RHBDF2: variants seen among roughly 807,000 people sequenced by gnomAD.
RHBDF2 encodes the protein rhomboid 5 homolog 2, also known as inactive rhomboid protein 2.
RHBDF2 carries 38 observed loss-of-function variants against 95.2 expected under a neutral mutation model. The ratio of observed to expected loss-of-function variants is 0.40; its 90% CI spans 0.31 to 0.52. The LOEUF is 0.52. Ranked by LOEUF, RHBDF2 falls within the 20% of genes least tolerant of loss-of-function variation. RHBDF2 has a pLI of 0.56. For synonymous variants in RHBDF2, 442 were observed against 462.0 expected, an observed-to-expected ratio of 0.96 and a Z score of 0.55; for missense variants, 863 against 1,137.7, an observed-to-expected ratio of 0.76 and a Z score of 3.47.
intron 2 of RHBDF2, 87 bp from the exon 3 acceptor site, chr17:76,481,632 A>G: frequency 7.9e-7 from 1 of 1,267,530 alleles, no homozygotes; most frequent in Non-Finnish European, 1.1e-6. Flanking sequence ...AGCCCAGACC[A>G]AGAACCAACT....
intron 9 of RHBDF2, 155 bp downstream of exon 9, chr17:76,476,675 G>C (rs1257016545): frequency 8.7e-7 from 1 of 1,155,700 alleles, no homozygotes; most frequent in Non-Finnish European, 1.2e-6. Flanking sequence ...CACAACCCTT[G>C]GGACAGGGTG....
At chr17:76,478,216 C>G (rs2073834110) in intron 6 of RHBDF2, among the ~76,000 whole-genome samples, 1 of 152,172 alleles carries the variant, frequency 6.6e-6, no homozygotes, top group African/African-American at 2.4e-5. Context: ...TATAACCACC[C>G]TTCACTAAAA....
In RHBDF2 at chr17:76,477,734, T is replaced by C; in HGVS notation, c.724A>G (p.Ser242Gly). 1 of 1,613,842 alleles carries C rather than the reference T, an allele frequency of 6.2e-7. No individual in the cohort carries two copies. Among genetic ancestry groups the C allele is most frequent in the East Asian group, 2.2e-5 (1 of 44,880 alleles). Residue 242 changes from serine (S) to glycine (G), a missense_variant, in exon 7 of 19, where the codon AGC becomes GGC. Physicochemically the swap from Ser to Gly is moderately conservative, Grantham distance 56. Around this residue, in one of 2 missense-constraint regions of RHBDF2, gnomAD observed 611 missense variants for 725.5 expected, o/e 0.84. Transcript: ENST00000675367. ...TGQRCRVVKR[S>G]FAFPSFLEED... Reference sequence around the variant, plus strand: ...TCCAGGAAGCTCGGGAAGGCAAAGCTGCGCTTGACCACCCGGCACCGCTGT... The same window carrying C: ...TCCAGGAAGCTCGGGAAGGCAAAGCCGCGCTTGACCACCCGGCACCGCTGT...
intron 18 of RHBDF2, among the ~76,000 whole-genome samples, chr17:76,472,364 T>A (rs1460893676): frequency 6.6e-6 from 1 of 151,076 alleles, no homozygotes; most frequent in African/African-American, 2.4e-5. Context: ...ATCAGTCAGG[T>A]GGAACTGATC....
chr17:76,472,078 C>T, intron 18 of RHBDF2, 26 bp from the exon 19 acceptor site: 1 of 1,531,696 alleles, frequency 6.5e-7, no homozygotes, highest in Non-Finnish European at 8.8e-7. Context: ...GGAGACGTGG[C>T]TTCAGGCATC....
rs2073787820 is a variant in RHBDF2, at chr17:76,476,866, G to A, written c.1079C>T (p.Thr360Ile). The A allele has an allele frequency of 6.2e-7, 1 of 1,611,974 alleles. No homozygotes were observed. The highest frequency in any genetic ancestry group is 8.5e-7 in the Non-Finnish European group (1 of 1,179,544). Residue 360 changes from threonine to isoleucine, a missense_variant, in exon 9 of 19, where the codon ACT becomes ATT. This residue lies in a region of RHBDF2 where 611 missense variants were observed against 725.5 expected (regional missense o/e 0.84). Coordinates refer to ENST00000675367, the MANE Select transcript of RHBDF2 (RefSeq NM_001005498.4). ...GAAGCTCTCCAGCTGCCGCTGCACA[G>A]TGCTGCTGATGCTGCGGCGGTAGCT... ...NRSYRRSISSTVQRQLESFDS... is the reference protein window; with the variant it reads ...NRSYRRSISSIVQRQLESFDS...
chr17:76,471,650 C>G lies in RHBDF2; in HGVS notation c.2467G>C (p.Asp823His). 2.5e-6 allele frequency: 4 copies of G among 1,604,052 alleles called. No homozygotes were observed. The highest frequency in any genetic ancestry group is 3.4e-6 in the Non-Finnish European group (4 of 1,175,236). The change falls in exon 19 of 19, where the codon GAC (aspartate) becomes CAC (histidine). Residue 823 changes from aspartate to histidine, a missense_variant. Asp to His is a moderately conservative substitution (Grantham distance 81). This residue lies in a region of RHBDF2 where 252 missense variants were observed against 412.2 expected (regional missense o/e 0.61). Transcript: ENST00000675367. ...CCCAGCGGTCAGTGCAGCACCTGGT[C>G]CAGCTCATACTTCTCGCAGAAGCGG... ...TSRFCEKYEL[D>H]QVLH
intron 9 of RHBDF2, 188 bp downstream of exon 9, chr17:76,476,642 C>G (rs1308932825): frequency 3.7e-6 from 3 of 814,720 alleles, no homozygotes; most frequent in Non-Finnish European, 3.7e-6. Flanking sequence ...AGCAAGCACC[C>G]CTGGCCCTTC....
At chr17:76,492,895 C>G (rs1172514234) in intron 1 of RHBDF2, among the ~76,000 whole-genome samples, 1 of 152,134 alleles carries the variant, frequency 6.6e-6, no homozygotes, top group Non-Finnish European at 1.5e-5. Flanking sequence ...AAGTAAGCAG[C>G]CCCCTCCCCT....
intron 1 of RHBDF2, among the ~76,000 whole-genome samples, chr17:76,493,638 G>A (rs1280029232): frequency 6.6e-6 from 1 of 152,094 alleles, no homozygotes; most frequent in Non-Finnish European, 1.5e-5. Flanking sequence ...GGGACACCCA[G>A]CTGTCTGTCT....
At chr17:76,492,023 C>T (rs1207543286) in intron 1 of RHBDF2, among the ~76,000 whole-genome samples, 1 of 152,332 alleles carries the variant, frequency 6.6e-6, no homozygotes, top group East Asian at 1.9e-4. Flanking sequence ...GGCCCGCCTC[C>T]GCACCCAGCC....
chr17:76,500,383 C>T (rs1015212138), intron 1 of RHBDF2, among the ~76,000 whole-genome samples: 4 of 152,186 alleles, frequency 2.6e-5, no homozygotes, highest in African/African-American at 9.7e-5. Flanking sequence ...AACCACAGCT[C>T]TAAAACACGC....
rs1257016545 is a variant in RHBDF2 at position 76,476,675 on chromosome 17, G to T, written c.1115+155C>A. The T allele has an allele frequency of 2.6e-6, 3 of 1,155,698 alleles. No homozygotes were observed. In the African/African-American group the frequency reaches 4.7e-5, roughly 18 times the overall value. The allele number at this position is 1,155,698 out of a possible 1,614,324, so 71.6% of individuals were successfully genotyped here. The stretch of plus-strand genomic sequence containing the variant: ...TTCCCAGGTCATGTGCACAACCCTT[G>T]GGACAGGGTGCGCCTTCGAGCTTGT... On this transcript the variant is annotated intron_variant, in intron 9 of 18. Transcript: ENST00000675367.
At chr17:76,489,920 G>T (rs1463975038) in intron 1 of RHBDF2, among the ~76,000 whole-genome samples, 2 of 151,860 alleles carry the variant, frequency 1.3e-5, no homozygotes, top group South Asian at 4.3e-4. Context: ...GCTCCTAGGG[G>T]ACGGGCTCCT....
At chr17:76,474,260 G>C (rs1380976465) in intron 12 of RHBDF2, 113 bp downstream of exon 12, 1 of 1,383,038 alleles carries the variant, frequency 7.2e-7, no homozygotes, top group Non-Finnish European at 1.0e-6. Flanking sequence ...TGGGGGTCTG[G>C]GAAAGGTGGG....
chr17:76,490,497 C>T (rs1041023991), intron 1 of RHBDF2, among the ~76,000 whole-genome samples: 1 of 152,176 alleles, frequency 6.6e-6, no homozygotes, highest in African/African-American at 2.4e-5. Flanking sequence ...ATAGCTTGGC[C>T]TCCTTTGGGA....
intron 1 of RHBDF2, 27 bp from the exon 2 acceptor site, chr17:76,487,936 G>A (rs564594561): frequency 6.6e-6 from 1 of 152,440 alleles, no homozygotes; most frequent in Non-Finnish European, 1.5e-5. Context: ...CCGGCTCCAG[G>A]GGGCATGCCC....
chr17:76,482,724 G>C (rs1387784544), intron 2 of RHBDF2, among the ~76,000 whole-genome samples: 1 of 151,856 alleles, frequency 6.6e-6, no homozygotes. Flanking sequence ...AGTGAGCCAA[G>C]ATCATGCCAC....
At chr17:76,491,750 G>A (rs933215296) in intron 1 of RHBDF2, among the ~76,000 whole-genome samples, 2 of 152,198 alleles carry the variant, frequency 1.3e-5, no homozygotes, top group African/African-American at 4.8e-5. Context: ...TTGGGGTGGG[G>A]GTGCAAAGGC....
Sources: gnomAD v4.1 joint callset for allele counts (sites outside exome capture counted in the v4.1 genomes callset) on GRCh38, gnomAD v4.1.1 for gene constraint, gnomAD v4.1.1 regional missense constraint, MANE v1.5 for transcripts, NCBI Gene and HGNC (gene_info 2026-07-23, HGNC 2026-07-21) for gene names.